The following MIER3 variants were observed in gnomAD, a reference collection of about 807,000 sequenced individuals.
MIER3 encodes the protein MIER family member 3.
MIER3 carries 9 observed loss-of-function variants against 63.2 expected under a neutral mutation model. The observed-to-expected ratio is 0.14, with a 90% CI of 0.09 to 0.25. The LOEUF is 0.25. Ranked by LOEUF, MIER3 falls within the 10% of genes least tolerant of loss-of-function variation. The probability of loss-of-function intolerance (pLI) is 1.00; values close to 1 mark genes in which losing one functional copy is unlikely to be tolerated. For missense variants in MIER3, 512 were observed against 666.2 expected, an observed-to-expected ratio of 0.77 and a Z score of 2.55; for synonymous variants, 205 against 224.9, an observed-to-expected ratio of 0.91 and a Z score of 0.79.
intron 3 of MIER3, among the ~76,000 whole-genome samples, chr5:56,945,192 G>A (rs72644088): frequency 0.31 from 46,417 of 152,080 alleles, 7,545 homozygotes; most frequent in East Asian, 0.54. Flanking sequence ...AGCCAGGTGT[G>A]GTGGCTCATG....
chr5:56,935,855 A>C (rs562222665), intron 5 of MIER3, 104 bp from the exon 6 acceptor site: 1 of 798,042 alleles, frequency 1.3e-6, no homozygotes, highest in Non-Finnish European at 2.1e-6. Flanking sequence ...TGAGATCAGC[A>C]TAAGTATACT....
At chr5:56,947,553 C>T (rs1750868030) in intron 2 of MIER3, among the ~76,000 whole-genome samples, 1 of 152,062 alleles carries the variant, frequency 6.6e-6, no homozygotes, top group African/African-American at 2.4e-5. Context: ...AGACAGAAAA[C>T]ACAACAAAAA....
At chr5:56,929,416 C>G (rs1750175805) in intron 9 of MIER3, 1 of 152,030 alleles carries the variant, frequency 6.6e-6, no homozygotes, top group South Asian at 2.1e-4. Flanking sequence ...AAAAAACAAA[C>G]TAGCCAGGCG....
intron 7 of MIER3, among the ~76,000 whole-genome samples, chr5:56,934,014 A>G (rs1427242544): frequency 6.6e-6 from 1 of 152,148 alleles, no homozygotes; most frequent in Non-Finnish European, 1.5e-5. Context: ...ATATTAATGA[A>G]CAAAATGTCA....
rs920095612 is a variant in MIER3 at position 56,934,938 on chromosome 5, A to G, written c.595+490T>C. ...TGGAATGCACCAAAAACATGAGGAA[A>G]AACTGATTACACATAATTAGGAGTA... On this transcript the variant is annotated intron_variant, in intron 7 of 12. Transcript: ENST00000381199. Among the ~76,000 whole-genome samples the G allele has an allele frequency of 2.0e-5, 3 of 152,244 alleles. No homozygotes were observed. In the East Asian group the frequency reaches 5.8e-4, roughly 29 times the overall value.
chr5:56,942,614 A>G (rs1750684509), intron 3 of MIER3, among the ~76,000 whole-genome samples: 5 of 152,180 alleles, frequency 3.3e-5, no homozygotes, highest in Admixed American at 2.6e-4. Flanking sequence ...AGGCACACAG[A>G]GTGAGACGAT....
chr5:56,949,059 C>T (rs1406333664), intron 2 of MIER3, among the ~76,000 whole-genome samples: 1 of 152,166 alleles, frequency 6.6e-6, no homozygotes, highest in Non-Finnish European at 1.5e-5. Context: ...TCAAAAGTCC[C>T]TTCCAACTCT....
At chr5:56,938,099 C>T (rs916690667) in intron 4 of MIER3, among the ~76,000 whole-genome samples, 1 of 152,012 alleles carries the variant, frequency 6.6e-6, no homozygotes, top group African/African-American at 2.4e-5. Context: ...TTTAAAAGTC[C>T]GACTAATGAA....
chr5:56,935,810 T>C, intron 5 of MIER3, 59 bp from the exon 6 acceptor site: 1 of 1,281,382 alleles, frequency 7.8e-7, no homozygotes, highest in East Asian at 2.3e-5. Context: ...CCTGGAAGAA[T>C]GCCTGTTGTA....
intron 3 of MIER3, among the ~76,000 whole-genome samples, chr5:56,941,868 A>G (rs1272150444): frequency 6.6e-6 from 1 of 152,198 alleles, no homozygotes; most frequent in Non-Finnish European, 1.5e-5. Context: ...AGTGAAGAGA[A>G]GAGACATATT....
At chr5:56,936,289 C>T (rs185304578) in intron 5 of MIER3, among the ~76,000 whole-genome samples, 16 of 152,086 alleles carry the variant, frequency 1.1e-4, no homozygotes, top group Admixed American at 7.9e-4. Flanking sequence ...TAAAAGGAAA[C>T]CACTGTGGTC....
At chr5:56,937,494 GA>G in intron 5 of MIER3, 83 bp downstream of exon 5, 1 of 1,284,020 alleles carries the variant, frequency 7.8e-7, no homozygotes, top group Non-Finnish European at 1.1e-6. Context: ...AGAATATTCT[GA>G]CACAAATTAC....
In MIER3 at chr5:56,924,447, AT is replaced by A. The variant is rs576339813; in HGVS notation, c.925-406del. On this transcript the variant is annotated intron_variant, in intron 10 of 12. Transcript: ENST00000381199. ...CCTGAGGGGTCCATAAATGGATTTC[AT>A]TGAGATCTATTAATTCACAAAATTA... is the stretch of plus-strand genomic sequence containing the variant. Among the ~76,000 whole-genome samples, 915 of 152,256 alleles carry A rather than the reference AT, an allele frequency of 6.0e-3. 4 individuals are homozygous for A. The highest frequency in any genetic ancestry group is 0.021 in the African/African-American group (864 of 41,550).
chr5:56,929,049 G>A (rs1159149605), intron 9 of MIER3, 188 bp from the exon 10 acceptor site: 1 of 487,602 alleles, frequency 2.1e-6, no homozygotes, highest in African/African-American at 2.0e-5. Flanking sequence ...ATTTCAGTTA[G>A]AATTACCAAA....
At chr5:56,932,112 T>G (rs1158106885) in intron 8 of MIER3, among the ~76,000 whole-genome samples, 1 of 151,992 alleles carries the variant, frequency 6.6e-6, no homozygotes. Context: ...CGACAAAAAT[T>G]AGCCAGGCAT....
At chr5:56,950,749 C>G in intron 1 of MIER3, 97 bp from the exon 2 acceptor site, 1 of 1,406,580 alleles carries the variant, frequency 7.1e-7, no homozygotes, top group South Asian at 1.2e-5. Context: ...TCGAGCGCTC[C>G]TCCGCAGCTG....
intron 3 of MIER3, among the ~76,000 whole-genome samples, chr5:56,945,039 CTAAAGT>C (rs1750781326): frequency 6.6e-6 from 1 of 152,156 alleles, no homozygotes; most frequent in South Asian, 2.1e-4. Context: ...AAAACCTATA[CTAAAGT>C]TAAATGGTAG....
chr5:56,950,714 G>GC, intron 1 of MIER3, 62 bp from the exon 2 acceptor site: 1 of 1,586,238 alleles, frequency 6.3e-7, no homozygotes, highest in Non-Finnish European at 8.6e-7. Context: ...GGCAGCGCCG[G>GC]CAACAGGGCG....
At chr5:56,936,152 G>A (rs1349524380) in intron 5 of MIER3, among the ~76,000 whole-genome samples, 1 of 152,104 alleles carries the variant, frequency 6.6e-6, no homozygotes, top group African/African-American at 2.4e-5. Context: ...GGGAGGCAAA[G>A]GTGGCAGTAA....
Sources: allele counts gnomAD v4.1 joint callset (sites outside exome capture counted in the v4.1 genomes callset), GRCh38; gene constraint gnomAD v4.1.1; transcripts MANE v1.5; gene names NCBI Gene and HGNC (gene_info 2026-07-23, HGNC 2026-07-21).